STARD10: variants seen among roughly 807,000 people sequenced by gnomAD.
STARD10 encodes StAR related lipid transfer domain containing 10, also known as START domain-containing protein 10.
STARD10 carries 24 observed loss-of-function variants against 36.0 expected under a neutral mutation model. That is an observed-to-expected ratio of 0.67 (90% CI 0.48 to 0.94). The LOEUF (loss-of-function observed/expected upper bound fraction) is 0.94, where lower values mean the gene tolerates loss of function less well. STARD10 is among the 40% of genes least tolerant of loss of function. The pLI is 0.00. For synonymous variants in STARD10, 156 were observed against 161.9 expected, an observed-to-expected ratio of 0.96 and a Z score of 0.28; for missense variants, 335 against 396.6, an observed-to-expected ratio of 0.84 and a Z score of 1.32.
At chr11:72,756,823 C>G (rs1337572728) in intron 5 of STARD10, among the ~76,000 whole-genome samples, 1 of 131,904 alleles carries the variant, frequency 7.6e-6, no homozygotes, top group East Asian at 2.0e-4. Context: ...GACTCAGGAA[C>G]TGCCGAGGAG....
chr11:72,785,848 TC>T (rs910882727), intron 1 of STARD10: 2 of 152,326 alleles, frequency 1.3e-5, no homozygotes, highest in African/African-American at 4.8e-5. Flanking sequence ...TGCCTTGATC[TC>T]CCCTCTGGGA....
chr11:72,764,435 G>T (rs1858759910), intron 2 of STARD10, among the ~76,000 whole-genome samples: 1 of 152,252 alleles, frequency 6.6e-6, no homozygotes, highest in Non-Finnish European at 1.5e-5. Flanking sequence ...TCCCAGGCTA[G>T]TGGCAGACTC....
intron 2 of STARD10, among the ~76,000 whole-genome samples, chr11:72,769,801 A>T (rs1858834634): frequency 6.6e-6 from 1 of 152,236 alleles, no homozygotes; most frequent in Admixed American, 6.5e-5. Flanking sequence ...CCTGAACACT[A>T]CCAGCAGCAG....
Position 72,781,203 on chromosome 11 carries a change from G to C in STARD10, c.-22C>G. The C allele has an allele frequency of 1.3e-6, 2 of 1,599,952 alleles. No individual in the cohort carries two copies. Among genetic ancestry groups the C allele is most frequent in the Non-Finnish European group, 1.7e-6 (2 of 1,175,922 alleles). On this transcript the variant is annotated 5_prime_UTR_variant, in exon 2 of 7. Transcript: ENST00000334805. This position sits in a 1 kb window ranked among gnomAD's most constrained non-coding sequence, Gnocchi z 4.7. Reference sequence around the variant, plus strand: ...CCATGGGGAGTGTGGGGAGGCCCAGGGCCCTGGTCCTAGTCCGGCTCTCCT... The same window carrying C: ...CCATGGGGAGTGTGGGGAGGCCCAGCGCCCTGGTCCTAGTCCGGCTCTCCT...
Position 72,768,139 on chromosome 11 carries a change from C to G in STARD10, c.208-8758G>C, listed in dbSNP as rs947180468. ...CACACAGATGGCCCCTCTACCCTCA[C>G]AGCCCACAGCCAGGCCCTGCCCTCA... On this transcript the variant is annotated intron_variant, in intron 2 of 6. Coordinates refer to ENST00000334805, the MANE Select transcript of STARD10 (RefSeq NM_006645.3). Among the ~76,000 whole-genome samples, 9 of 152,258 alleles carry G rather than the reference C, an allele frequency of 5.9e-5. No homozygotes were observed. In the South Asian group the frequency reaches 6.2e-4, roughly 11 times the overall value.
rs750882418 is a variant in STARD10 at position 72,755,034 on chromosome 11, G to C, written c.739C>G (p.Leu247Val). The C allele has an allele frequency of 8.7e-6, 14 of 1,613,342 alleles. No individual in the cohort carries two copies. The African/African-American group carries it at 1.9e-4, about 21-fold the overall frequency. Residue 247 changes from leucine (L) to valine (V), a missense_variant, in exon 7 of 7, where the codon CTG becomes GTG. By Grantham distance (32) the Leu-to-Val change is conservative. Transcript: ENST00000334805. The stretch of plus-strand genomic sequence containing the variant: ...TGCACCGACAGCTCCGACAGCGCCA[G>C]GCTCGGCAACGGGCTCTGCTCCGGG... Reference protein sequence around the residue: ...LHPEQSPLPSLALSELSVQHA... With the variant: ...LHPEQSPLPSVALSELSVQHA...
At chr11:72,755,200 AC>A (rs781502979) in intron 6 of STARD10, 58 bp from the exon 7 acceptor site, 96 of 1,504,284 alleles carry the variant, frequency 6.4e-5, no homozygotes, top group Admixed American at 1.4e-4. Flanking sequence ...TCTTCTCCAC[AC>A]CCCCCTCCAG....
At chr11:72,788,406 G>A (rs1859101303) in intron 1 of STARD10, among the ~76,000 whole-genome samples, 1 of 152,182 alleles carries the variant, frequency 6.6e-6, no homozygotes, top group South Asian at 2.1e-4. Context: ...CATTCTCCAG[G>A]AGCACGAGTG....
intron 3 of STARD10, 70 bp from the exon 4 acceptor site, chr11:72,758,703 GC>G: frequency 8.7e-7 from 1 of 1,144,698 alleles, no homozygotes; most frequent in South Asian, 1.4e-5. Context: ...TGTGGCAGAG[GC>G]CAGAGATGCA....
chr11:72,759,121 C>A (rs1031115530), intron 3 of STARD10, 113 bp downstream of exon 3: 1 of 1,343,134 alleles, frequency 7.4e-7, no homozygotes, highest in Non-Finnish European at 1.0e-6. Flanking sequence ...ACTCAAGTCT[C>A]CGAGCAGCTT....
Position 72,757,332 on chromosome 11 carries a change from G to A in STARD10, c.577+435C>T, listed in dbSNP as rs117163112. Reference sequence around the variant, plus strand: ...AGGCTTAGGTGCCTGGAAGACATCCGAAGGGAGATGTCCAGGTGGCCGATG... The same window carrying A: ...AGGCTTAGGTGCCTGGAAGACATCCAAAGGGAGATGTCCAGGTGGCCGATG... On this transcript the variant is annotated intron_variant, in intron 5 of 6. Coordinates refer to ENST00000334805, the MANE Select transcript of STARD10 (RefSeq NM_006645.3). Among the ~76,000 whole-genome samples, 1,401 of 152,280 alleles carry A rather than the reference G, an allele frequency of 9.2e-3. 11 individuals carry two copies. The highest frequency in any genetic ancestry group is 0.013 in the Non-Finnish European group (878 of 68,022).
intron 2 of STARD10, among the ~76,000 whole-genome samples, chr11:72,774,092 G>A (rs1565242415): frequency 6.6e-6 from 1 of 152,358 alleles, no homozygotes; most frequent in African/African-American, 2.4e-5. Flanking sequence ...AAAGACGGCA[G>A]GCAGGGGCAG....
intron 1 of STARD10, among the ~76,000 whole-genome samples, chr11:72,791,151 T>C (rs189703782): frequency 1.3e-5 from 2 of 152,180 alleles, no homozygotes; most frequent in Admixed American, 1.3e-4. Flanking sequence ...AGGCTTAGCA[T>C]CCCCACTTTA....
chr11:72,781,002 C>G lies in STARD10; in HGVS notation c.180G>C (p.Glu60Asp), dbSNP rs1296065345. The change falls in exon 2 of 7, where the codon GAG (glutamate) becomes GAC (aspartate). Residue 60 changes from glutamate to aspartate, a missense_variant. By Grantham distance (45) the Glu-to-Asp change is conservative (BLOSUM62 2). Coordinates refer to ENST00000334805, the MANE Select transcript of STARD10 (RefSeq NM_006645.3). The surrounding 1 kb of genome is among the most constrained non-coding windows in gnomAD (Gnocchi z 4.7). ...AGVSVWVQAV[E>D]MDRTLHKIKC... is the part of the protein sequence containing the mutation. Reference sequence around the variant, plus strand: ...TGATCTTGTGCAGCGTCCGATCCATCTCCACAGCCTGCACCCAGACAGACA... The same window carrying G: ...TGATCTTGTGCAGCGTCCGATCCATGTCCACAGCCTGCACCCAGACAGACA... 1 of 1,614,208 alleles carries G rather than the reference C, an allele frequency of 6.2e-7. No homozygotes were observed. The highest frequency in any genetic ancestry group is 8.5e-7 in the Non-Finnish European group (1 of 1,180,036).
intron 2 of STARD10, among the ~76,000 whole-genome samples, chr11:72,778,126 C>T (rs141982227): frequency 6.7e-4 from 102 of 152,364 alleles, no homozygotes; most frequent in Admixed American, 9.8e-4. Context: ...ATGAGAACAA[C>T]GCGTCCTCCA....
intron 2 of STARD10, among the ~76,000 whole-genome samples, chr11:72,761,917 CTTTTTTTTTT>C (rs1189000490): frequency 2.1e-4 from 8 of 37,476 alleles, no homozygotes; most frequent in African/African-American, 8.6e-4. Flanking sequence ...CTTTTCTTTT[CTTTTTTTTTT>C]TTTTTTTTTT....
chr11:72,765,717 TC>T (rs2135614811), intron 2 of STARD10, among the ~76,000 whole-genome samples: 1 of 151,958 alleles, frequency 6.6e-6, no homozygotes, highest in South Asian at 2.1e-4. Context: ...TCACCTGTAA[TC>T]CCAGCACTTC....
At chr11:72,791,416 C>T (rs1277971249) in intron 1 of STARD10, among the ~76,000 whole-genome samples, 4 of 152,126 alleles carry the variant, frequency 2.6e-5, no homozygotes, top group Non-Finnish European at 5.9e-5. Flanking sequence ...TAATAGAGTC[C>T]TTTTCTGGCC....
At chr11:72,784,356 A>T (rs892582062) in intron 1 of STARD10, among the ~76,000 whole-genome samples, 2 of 152,210 alleles carry the variant, frequency 1.3e-5, no homozygotes, top group Non-Finnish European at 2.9e-5. Context: ...CTGTGTCACC[A>T]GAAGCCGGTG....
Sources: allele counts gnomAD v4.1 joint callset (sites outside exome capture counted in the v4.1 genomes callset), GRCh38; gene constraint gnomAD v4.1.1; non-coding constraint Gnocchi (gnomAD v3.1); transcripts MANE v1.5; gene names NCBI Gene and HGNC (gene_info 2026-07-23, HGNC 2026-07-21).